IQCK: variants seen among roughly 807,000 people sequenced by gnomAD.
IQCK encodes the protein IQ motif containing K.
In IQCK, 29 loss-of-function variants were observed where a neutral mutation model predicts 28.1. The observed-to-expected ratio is 1.03, with a 90% CI of 0.77 to 1.41. The LOEUF (loss-of-function observed/expected upper bound fraction) is 1.41, where lower values mean the gene tolerates loss of function less well. Ranked by LOEUF, IQCK falls within the 40% of genes most tolerant of loss-of-function variation. The pLI, the probability that IQCK is intolerant of heterozygous loss-of-function variation, is 0.00. For missense variants in IQCK, 359 were observed against 314.7 expected (o/e 1.14, Z -1.07); for synonymous variants, 113 against 115.1 (o/e 0.98, Z 0.12).
At chr16:19,743,581 G>A (rs1478387141) in intron 4 of IQCK, among the ~76,000 whole-genome samples, 2 of 152,238 alleles carry the variant, frequency 1.3e-5, no homozygotes. Flanking sequence ...ACAATCTTTG[G>A]AGGTGGATGC....
chr16:19,719,296 T>A (rs1977393517), intron 1 of IQCK, among the ~76,000 whole-genome samples: 1 of 151,940 alleles, frequency 6.6e-6, no homozygotes, highest in South Asian at 2.1e-4. Context: ...TAATGTTGGG[T>A]GGGATGTTTT....
chr16:19,850,016 T>G (rs2141122304), intron 9 of IQCK, among the ~76,000 whole-genome samples: 1 of 152,334 alleles, frequency 6.6e-6, no homozygotes, highest in South Asian at 2.1e-4. Flanking sequence ...TTTCTCCCTG[T>G]TTTTACACTT....
At chr16:19,769,915 G>A (rs74013827) in intron 6 of IQCK, among the ~76,000 whole-genome samples, 8,290 of 152,086 alleles carry the variant, frequency 0.055, 703 homozygotes, top group African/African-American at 0.18. Context: ...TAAATTTAGG[G>A]GTAGAGAAGG....
At chr16:19,823,914 C>T (rs1238081150) in intron 7 of IQCK, among the ~76,000 whole-genome samples, 1 of 151,122 alleles carries the variant, frequency 6.6e-6, no homozygotes. Context: ...GCCTAGGCGG[C>T]AGAGTGAGAC....
At chr16:19,839,018 C>CAAAAAA (rs71146274) in intron 9 of IQCK, among the ~76,000 whole-genome samples, 105 of 42,410 alleles carry the variant, frequency 2.5e-3, no homozygotes, top group South Asian at 2.9e-3. Context: ...GACTCCATAG[C>CAAAAAA]AAAAAAAAAA....
At chr16:19,744,780 G>A (rs923634233) in intron 4 of IQCK, among the ~76,000 whole-genome samples, 1 of 152,182 alleles carries the variant, frequency 6.6e-6, no homozygotes, top group African/African-American at 2.4e-5. Context: ...AATTAGCTGG[G>A]TGCTAGCAGT....
At chr16:19,756,725 A>G (rs11642322) in intron 4 of IQCK, among the ~76,000 whole-genome samples, 47,884 of 151,868 alleles carry the variant, frequency 0.32, 11,133 homozygotes, top group African/African-American at 0.66. Context: ...GTGAAACCCC[A>G]TCTCTACTAA....
chr16:19,822,076 A>C lies in IQCK; in HGVS notation c.691-4950A>C, dbSNP rs1241610342. Among the ~76,000 whole-genome samples, 357 of 145,114 alleles carry C rather than the reference A, an allele frequency of 2.5e-3. 2 individuals carry two copies. The highest frequency in any genetic ancestry group is 9.1e-3 in the African/African-American group (340 of 37,284). ...GAATGAGACCCTGTCTCAAAAAAAA[A>C]AAAAAAACAAAAAAAAAAACAAAAA... On this transcript the variant is annotated intron_variant, in intron 7 of 7. Transcript: ENST00000564186.
intron 9 of IQCK, among the ~76,000 whole-genome samples, chr16:19,842,952 G>T (rs2056377661): frequency 1.3e-5 from 2 of 152,148 alleles, no homozygotes; most frequent in Non-Finnish European, 2.9e-5. Context: ...GGGAAGCCTG[G>T]CCCGGGGGAG....
At chr16:19,759,350 A>G (rs983714626) in intron 4 of IQCK, among the ~76,000 whole-genome samples, 9 of 152,080 alleles carry the variant, frequency 5.9e-5, no homozygotes, top group Admixed American at 2.0e-4. Context: ...CTGGGATTAC[A>G]GGCACGTGCC....
At chr16:19,804,325 CAG>C (rs1290229166) in intron 7 of IQCK, among the ~76,000 whole-genome samples, 1 of 150,804 alleles carries the variant, frequency 6.6e-6, no homozygotes, top group East Asian at 2.0e-4. Flanking sequence ...GCCTGGGTGA[CAG>C]AGGGAGACTT....
At chr16:19,782,801 C>T (rs1265080002) in intron 6 of IQCK, among the ~76,000 whole-genome samples, 1 of 152,124 alleles carries the variant, frequency 6.6e-6, no homozygotes, top group Non-Finnish European at 1.5e-5. Flanking sequence ...ACTAACGTCT[C>T]AGATTTTCTT....
At chr16:19,837,008 A>G (rs2056307432) in intron 9 of IQCK, among the ~76,000 whole-genome samples, 1 of 152,210 alleles carries the variant, frequency 6.6e-6, no homozygotes, top group South Asian at 2.1e-4. Flanking sequence ...GTGAGGATTA[A>G]ATGAACTGGA....
chr16:19,820,246 G>C (rs1441983714), intron 7 of IQCK, among the ~76,000 whole-genome samples: 3 of 152,180 alleles, frequency 2.0e-5, no homozygotes, highest in Admixed American at 2.0e-4. Context: ...AGGCGCAATG[G>C]CTCAAGTCTG....
chr16:19,813,670 C>T (rs1376406200), intron 7 of IQCK, among the ~76,000 whole-genome samples: 1 of 152,080 alleles, frequency 6.6e-6, no homozygotes, highest in Non-Finnish European at 1.5e-5. Flanking sequence ...ACTGAACCCA[C>T]AAGGAAGGAG....
At chr16:19,756,853 C>T (rs1311825756) in intron 4 of IQCK, among the ~76,000 whole-genome samples, 2 of 148,690 alleles carry the variant, frequency 1.3e-5, no homozygotes, top group African/African-American at 2.5e-5. Context: ...GCTGAGATCG[C>T]GCCACTGCAC....
intron 4 of IQCK, among the ~76,000 whole-genome samples, chr16:19,760,256 T>C (rs1454159523): frequency 1.3e-5 from 2 of 152,220 alleles, no homozygotes; most frequent in Non-Finnish European, 2.9e-5. Context: ...AAAGTCTCTG[T>C]TTCAAATAAT....
At chr16:19,741,125 C>T (rs932985116) in intron 4 of IQCK, among the ~76,000 whole-genome samples, 2 of 152,076 alleles carry the variant, frequency 1.3e-5, no homozygotes, top group Non-Finnish European at 2.9e-5. Flanking sequence ...TGGTCCTGTC[C>T]TAGAGGAGCC....
At position 19,825,508 on chromosome 16, in the gene IQCK, G is replaced by A. The variant is rs960138891; in HGVS notation, c.691-1518G>A. On this transcript the variant is annotated intron_variant, in intron 7 of 7. Transcript: ENST00000564186. The surrounding 1 kb of genome is among the most constrained non-coding windows in gnomAD (Gnocchi z 4.2). ...GCACTCCAGCCTGGGCAGCAAGAAC[G>A]AAACTCCATCTCAAAAAAAAAAAAA... is the stretch of plus-strand genomic sequence containing the variant. 6.7e-6 allele frequency among the ~76,000 whole-genome samples: 1 copy of A among 149,086 alleles called. No homozygotes were observed.
Sources: allele counts gnomAD v4.1 joint callset (sites outside exome capture counted in the v4.1 genomes callset), GRCh38; gene constraint gnomAD v4.1.1; non-coding constraint Gnocchi (gnomAD v3.1); transcripts MANE v1.5; gene names NCBI Gene and HGNC (gene_info 2026-07-23, HGNC 2026-07-21).